Variants in CYP7B1 observed in about 807,000 individuals in gnomAD.
The protein encoded by CYP7B1 is cytochrome P450 7B1.
In CYP7B1, 29 loss-of-function variants were observed where a neutral mutation model predicts 42.7. The observed-to-expected ratio is 0.68, with a 90% CI of 0.51 to 0.93. The LOEUF (loss-of-function observed/expected upper bound fraction) is 0.93, where lower values mean the gene tolerates loss of function less well. CYP7B1 is among the 40% of genes least tolerant of loss of function. The probability of loss-of-function intolerance (pLI) is 0.00; values close to 1 mark genes in which losing one functional copy is unlikely to be tolerated. For synonymous variants in CYP7B1, 235 were observed against 218.2 expected, an observed-to-expected ratio of 1.08 and a Z score of -0.68; for missense variants, 655 against 600.5, an observed-to-expected ratio of 1.09 and a Z score of -0.95.
chr8:64,777,348 G>T (rs183055701), intron 1 of CYP7B1, among the ~76,000 whole-genome samples: 2 of 152,102 alleles, frequency 1.3e-5, no homozygotes, highest in African/African-American at 4.8e-5. Context: ...TAATGCAATA[G>T]TTTATTTCTC....
intron 1 of CYP7B1, among the ~76,000 whole-genome samples, chr8:64,712,573 C>T (rs926400819): frequency 6.6e-6 from 1 of 151,658 alleles, no homozygotes; most frequent in Admixed American, 6.6e-5. Context: ...TATAGTCAAC[C>T]AACATATATT....
chr8:64,790,313 A>G (rs149368961), intron 1 of CYP7B1, among the ~76,000 whole-genome samples: 2,935 of 152,298 alleles, frequency 0.019, 43 homozygotes, highest in Admixed American at 0.03. Context: ...TAATAAGGAA[A>G]GTTCACTTCC....
chr8:64,732,676 T>A (rs1259655193), intron 1 of CYP7B1, among the ~76,000 whole-genome samples: 1 of 152,216 alleles, frequency 6.6e-6, no homozygotes, highest in Non-Finnish European at 1.5e-5. Flanking sequence ...GGTCTGGCTC[T>A]GTGTCCCCAA....
At chr8:64,786,680 A>G (rs911477991) in intron 1 of CYP7B1, among the ~76,000 whole-genome samples, 1 of 152,276 alleles carries the variant, frequency 6.6e-6, no homozygotes, top group African/African-American at 2.4e-5. Flanking sequence ...TGGGGTCTGG[A>G]GGATGGTGGC....
intron 1 of CYP7B1, among the ~76,000 whole-genome samples, chr8:64,775,398 C>T (rs1804307216): frequency 1.3e-5 from 2 of 152,034 alleles, no homozygotes; most frequent in Admixed American, 1.3e-4. Flanking sequence ...GGTTTCTCGG[C>T]ATTTTGGGAA....
intron 1 of CYP7B1, among the ~76,000 whole-genome samples, chr8:64,625,198 C>A (rs1222438431): frequency 2.0e-5 from 3 of 152,068 alleles, no homozygotes; most frequent in Admixed American, 6.5e-5. Flanking sequence ...TGGCCTTGAT[C>A]TCCTGACCTC....
chr8:64,774,765 C>G (rs1398942195), intron 1 of CYP7B1, among the ~76,000 whole-genome samples: 1 of 152,156 alleles, frequency 6.6e-6, no homozygotes, highest in South Asian at 2.1e-4. Flanking sequence ...CTGAATAGTG[C>G]ATATCTGCTT....
At chr8:64,613,698 T>A (rs1338665484) in intron 4 of CYP7B1, among the ~76,000 whole-genome samples, 1 of 152,162 alleles carries the variant, frequency 6.6e-6, no homozygotes, top group Non-Finnish European at 1.5e-5. Flanking sequence ...AATGTTGAGA[T>A]TTTTTTAAAA....
intron 1 of CYP7B1, among the ~76,000 whole-genome samples, chr8:64,634,317 C>A (rs986198258): frequency 2.0e-5 from 3 of 152,028 alleles, no homozygotes; most frequent in Non-Finnish European, 2.9e-5. Context: ...CACCTGCAAT[C>A]CCAGCACCTT....
At chr8:64,675,228 A>C (rs1806427747) in intron 1 of CYP7B1, among the ~76,000 whole-genome samples, 1 of 152,044 alleles carries the variant, frequency 6.6e-6, no homozygotes, top group South Asian at 2.1e-4. Flanking sequence ...CTCCTAACCT[A>C]GTCCTTCTAC....
In CYP7B1 at chr8:64,798,698, C is replaced by T; in HGVS notation, c.-111G>A. ...CTCGGCGGCGCCCCCTAGTCCAGGG[C>T]CGGAGAGGCTGGCCTGCCCGCAGCG... On this transcript the variant is annotated 5_prime_UTR_variant, in exon 1 of 6. Transcript: ENST00000310193. 8.1e-7 allele frequency: 1 copy of T among 1,231,162 alleles called. No homozygotes were observed. The highest frequency in any genetic ancestry group is 1.1e-6 in the Non-Finnish European group (1 of 942,654). 76.3% of individuals were successfully genotyped at this position (1,231,162 alleles called of 1,614,324 possible).
chr8:64,745,926 C>G (rs1807637374), intron 1 of CYP7B1, among the ~76,000 whole-genome samples: 1 of 152,170 alleles, frequency 6.6e-6, no homozygotes, highest in African/African-American at 2.4e-5. Flanking sequence ...GCCATACTCA[C>G]CCTGACAACG....
intron 2 of CYP7B1, among the ~76,000 whole-genome samples, chr8:64,622,470 A>G (rs1281433105): frequency 6.6e-6 from 1 of 152,238 alleles, no homozygotes; most frequent in Non-Finnish European, 1.5e-5. Flanking sequence ...AGAGATCAGC[A>G]TTGTCAAACC....
chr8:64,790,919 T>C (rs998090628), intron 1 of CYP7B1, among the ~76,000 whole-genome samples: 4 of 152,078 alleles, frequency 2.6e-5, no homozygotes, highest in Non-Finnish European at 5.9e-5. Context: ...CCTAAAACAA[T>C]ATAACTAGTA....
intron 1 of CYP7B1, among the ~76,000 whole-genome samples, chr8:64,724,737 T>A (rs1405784340): frequency 6.6e-6 from 1 of 152,150 alleles, no homozygotes; most frequent in East Asian, 1.9e-4. Flanking sequence ...AACTAAAAGA[T>A]GTAGGGCTCA....
At chr8:64,607,398 T>TAAAAAAAAAAAAA (rs5891968) in intron 4 of CYP7B1, among the ~76,000 whole-genome samples, 1 of 143,960 alleles carries the variant, frequency 6.9e-6, no homozygotes, top group Non-Finnish European at 1.5e-5. Context: ...GCTCTAGAAT[T>TAAAAAAAAAAAAA]AAAAAAAAAA....
chr8:64,757,915 C>T (rs1807830554), intron 1 of CYP7B1, among the ~76,000 whole-genome samples: 1 of 152,202 alleles, frequency 6.6e-6, no homozygotes, highest in Admixed American at 6.5e-5. Flanking sequence ...TTCTCAGACA[C>T]ATTTCATGAA....
At chr8:64,743,026 T>A (rs1478207887) in intron 1 of CYP7B1, among the ~76,000 whole-genome samples, 1 of 152,178 alleles carries the variant, frequency 6.6e-6, no homozygotes, top group Non-Finnish European at 1.5e-5. Flanking sequence ...CCAACGCCAA[T>A]CTTTCTTCCA....
chr8:64,696,004 T>G (rs1444804754), intron 1 of CYP7B1, among the ~76,000 whole-genome samples: 1 of 152,206 alleles, frequency 6.6e-6, no homozygotes, highest in Non-Finnish European at 1.5e-5. Flanking sequence ...CAGTTATAAT[T>G]CTTATAATTT....
Sources: allele counts gnomAD v4.1 joint callset (sites outside exome capture counted in the v4.1 genomes callset), GRCh38; gene constraint gnomAD v4.1.1; transcripts MANE v1.5; gene names NCBI Gene and HGNC (gene_info 2026-07-23, HGNC 2026-07-21).